Variants in TXNL4A observed in about 807,000 individuals in gnomAD.
TXNL4A encodes thioredoxin like 4A.
TXNL4A carries 17 observed loss-of-function variants against 14.6 expected under a neutral mutation model. That is an observed-to-expected ratio of 1.16 (90% CI 0.80 to 1.74). The LOEUF (loss-of-function observed/expected upper bound fraction) is 1.74. Ranked by LOEUF, TXNL4A falls within the 40% of genes most tolerant of loss-of-function variation. The pLI is 0.00. For synonymous variants in TXNL4A, 83 were observed against 70.6 expected, an observed-to-expected ratio of 1.18 and a Z score of -0.88; for missense variants, 74 against 195.2, an observed-to-expected ratio of 0.38 and a Z score of 3.70.
rs2051698379 is a variant in TXNL4A, at chr18:80,001,527, A to C, written c.-60-23826T>G. Reference sequence around the variant, plus strand: ...AGCCACAGACACTCAACTCCAGCCCATGAAAGCAGCCAAGAGTGGGGTATA... The same window carrying C: ...AGCCACAGACACTCAACTCCAGCCCCTGAAAGCAGCCAAGAGTGGGGTATA... On this transcript the variant is annotated intron_variant, in intron 1 of 2. Coordinates refer to the TXNL4A transcript ENST00000585474. 2.0e-5 allele frequency among the ~76,000 whole-genome samples: 3 copies of C among 152,196 alleles called. No homozygotes were observed. In the South Asian group the frequency reaches 6.2e-4, roughly 32 times the overall value.
intron 1 of TXNL4A, among the ~76,000 whole-genome samples, chr18:80,019,535 G>A (rs1424307043): frequency 6.6e-6 from 1 of 152,164 alleles, no homozygotes; most frequent in East Asian, 1.9e-4. Flanking sequence ...AGGACCATGT[G>A]TTATTTATTA....
upstream of TXNL4A, among the ~76,000 whole-genome samples, chr18:79,989,026 AG>A (rs1355146061): frequency 6.6e-6 from 1 of 152,216 alleles, no homozygotes; most frequent in Non-Finnish European, 1.5e-5. Context: ...AGAGTCGAGC[AG>A]CGGGGTAGGG....
upstream of TXNL4A, among the ~76,000 whole-genome samples, chr18:79,992,202 G>C (rs1332410073): frequency 6.6e-6 from 1 of 152,200 alleles, no homozygotes. Context: ...TCACAGCCTT[G>C]TATTATGGTC....
rs1291024139 is a variant in TXNL4A, at chr18:79,986,683, C to T, written c.153+1557G>A. 19 of 985,508 alleles carry T rather than the reference C, an allele frequency of 1.9e-5. No individual in the cohort carries two copies. In the Admixed American group the frequency reaches 6.8e-4, roughly 35 times the overall value. 61.0% of individuals were successfully genotyped at this position (985,508 alleles called of 1,614,324 possible). A position where few individuals can be genotyped will look rare whatever the true frequency, so the allele number is the denominator to read the frequency against. The stretch of plus-strand genomic sequence containing the variant: ...TGTGATGAGACAAAGGCCCTCACAT[C>T]TCCAGCCATCCTAGCCTCGAGCTGC... On this transcript the variant is annotated intron_variant, in intron 1 of 2. Coordinates refer to ENST00000269601, the MANE Select transcript of TXNL4A (RefSeq NM_006701.5).
intron 2 of TXNL4A, chr18:79,976,932 TTGA>T (rs1480383268): frequency 2.8e-5 from 10 of 360,144 alleles, no homozygotes; most frequent in Admixed American, 3.9e-5. Context: ...GACACCGAAG[TTGA>T]TGATAACATA....
At chr18:79,984,149 T>C (rs1948291510) in intron 1 of TXNL4A, among the ~76,000 whole-genome samples, 1 of 152,222 alleles carries the variant, frequency 6.6e-6, no homozygotes, top group Non-Finnish European at 1.5e-5. Context: ...TCTGTTTGTT[T>C]CTACAAGATT....
upstream of TXNL4A, chr18:79,988,576 A>T (rs1363646418): frequency 3.7e-6 from 2 of 545,742 alleles, no homozygotes; most frequent in East Asian, 3.9e-5. Flanking sequence ...GCGCGCACGC[A>T]CCGACGCCGT....
At chr18:80,007,388 G>A (rs570060843) in intron 1 of TXNL4A, among the ~76,000 whole-genome samples, 1 of 152,210 alleles carries the variant, frequency 6.6e-6, no homozygotes, top group African/African-American at 2.4e-5. Flanking sequence ...TAGGGGATAC[G>A]TAACAGGGGT....
chr18:79,985,462 G>A (rs747939247), intron 1 of TXNL4A, among the ~76,000 whole-genome samples: 5 of 151,694 alleles, frequency 3.3e-5, no homozygotes, highest in South Asian at 2.1e-4. Context: ...CATGTTGCCC[G>A]GGCTGTTCTC....
At chr18:80,029,034 A>C (rs2051903698) in intron 1 of TXNL4A, among the ~76,000 whole-genome samples, 1 of 152,234 alleles carries the variant, frequency 6.6e-6, no homozygotes, top group South Asian at 2.1e-4. Context: ...CGAAACACTT[A>C]GAAACATGTT....
At chr18:80,027,484 CCTT>C (rs2051892375) in intron 1 of TXNL4A, among the ~76,000 whole-genome samples, 1 of 152,138 alleles carries the variant, frequency 6.6e-6, no homozygotes, top group African/African-American at 2.4e-5. Context: ...CTCTGCAGTG[CCTT>C]CTTTAGTATT....
At chr18:79,989,657 G>T (rs1446627059), upstream of TXNL4A, among the ~76,000 whole-genome samples, 5 of 152,190 alleles carry the variant, frequency 3.3e-5, no homozygotes, top group Admixed American at 3.3e-4. Flanking sequence ...TAAAACTCTT[G>T]TCTACTATCT....
In TXNL4A at chr18:79,972,324, G is replaced by C. The variant is rs924775877; in HGVS notation, c.*1361C>G. 6.6e-6 allele frequency: 1 copy of C among 152,348 alleles called. No homozygotes were observed. Among genetic ancestry groups the C allele is most frequent in the African/African-American group, 2.4e-5 (1 of 41,470 alleles). 9.4% of individuals were successfully genotyped at this position (152,348 alleles called of 1,614,324 possible). ...TCTGAGGTCAGAGGGCCCACGGTGT[G>C]CTCAAGTGCCCCCATCCCTGCCCTT... On this transcript the variant is annotated 3_prime_UTR_variant, in exon 3 of 3. Transcript: ENST00000269601.
chr18:79,975,006 C>A (rs1195164190), intron 2 of TXNL4A, among the ~76,000 whole-genome samples: 2 of 152,198 alleles, frequency 1.3e-5, no homozygotes, highest in East Asian at 3.8e-4. Context: ...TGATCAGGGT[C>A]TGGAGCCCAC....
chr18:80,015,625 C>T (rs1226281717), intron 1 of TXNL4A, among the ~76,000 whole-genome samples: 1 of 150,118 alleles, frequency 6.7e-6, no homozygotes, highest in Non-Finnish European at 1.5e-5. Context: ...GGTTTTTTGT[C>T]CTTGTGATAG....
chr18:80,004,781 A>G lies in TXNL4A; in HGVS notation c.-60-27080T>C, dbSNP rs147510276. ...AGAGTCCCAAGAAACCACAAACAAA[A>G]CATCGAGTGCGCAGTGGCTGCCGGT... On this transcript the variant is annotated intron_variant, in intron 1 of 2. Coordinates refer to the TXNL4A transcript ENST00000585474. 1.6e-3 allele frequency among the ~76,000 whole-genome samples: 251 copies of G among 152,322 alleles called. 1 individual carries two copies. Among genetic ancestry groups the G allele is most frequent in the African/African-American group, 5.7e-3 (237 of 41,580 alleles).
chr18:79,977,444 A>G, intron 2 of TXNL4A, 154 bp downstream of exon 2: 1 of 603,608 alleles, frequency 1.7e-6, no homozygotes, highest in Non-Finnish European at 2.9e-6. Context: ...ATTATTTCAA[A>G]GATTCACACT....
intron 1 of TXNL4A, among the ~76,000 whole-genome samples, chr18:80,015,015 C>A (rs1161516674): frequency 6.6e-6 from 1 of 152,222 alleles, no homozygotes; most frequent in African/African-American, 2.4e-5. Flanking sequence ...CCCTTTCTGC[C>A]ACAGCTGGAG....
chr18:80,006,280 A>G (rs1478102471), intron 1 of TXNL4A, among the ~76,000 whole-genome samples: 1 of 152,062 alleles, frequency 6.6e-6, no homozygotes, highest in African/African-American at 2.4e-5. Context: ...GCTACTTGGG[A>G]GGCTGAGGCA....
Sources: gnomAD v4.1 joint callset for allele counts (sites outside exome capture counted in the v4.1 genomes callset) on GRCh38, gnomAD v4.1.1 for gene constraint, MANE v1.5 for transcripts, NCBI Gene and HGNC (gene_info 2026-07-23, HGNC 2026-07-21) for gene names.